KCNMA1: variants seen among roughly 807,000 people sequenced by gnomAD.
KCNMA1 encodes potassium calcium-activated channel subfamily M alpha 1, also known as Calcium-activated potassium channel subunit alpha-1.
Under a neutral mutation model 140.0 loss-of-function variants are expected in KCNMA1, and 29 were observed. The ratio of observed to expected loss-of-function variants is 0.21; its 90% CI spans 0.15 to 0.28. KCNMA1 has a LOEUF of 0.28. Ranked by LOEUF, KCNMA1 falls within the 10% of genes least tolerant of loss-of-function variation. The pLI, the probability that KCNMA1 is intolerant of heterozygous loss-of-function variation, is 1.00. For missense variants in KCNMA1, 880 were observed against 1,602.2 expected (o/e 0.55, Z 7.70); for synonymous variants, 612 against 611.9 (o/e 1.00, Z 0.00).
chr10:77,327,591 G>C (rs2084690960), intron 2 of KCNMA1, among the ~76,000 whole-genome samples: 1 of 152,082 alleles, frequency 6.6e-6, no homozygotes. Context: ...TTGACCTCAG[G>C]TGATCTGCCT....
intron 25 of KCNMA1, among the ~76,000 whole-genome samples, chr10:76,907,988 G>A (rs2048481107): frequency 6.6e-6 from 1 of 151,610 alleles, no homozygotes. Context: ...TTATAAATTT[G>A]GAATTTTAAA....
intron 1 of KCNMA1, among the ~76,000 whole-genome samples, chr10:77,630,865 G>A (rs760523046): frequency 5.2e-4 from 79 of 151,964 alleles, no homozygotes; most frequent in Non-Finnish European, 4.6e-4. Flanking sequence ...GAGCACTTTG[G>A]GAGACCAAGA....
chr10:77,330,793 A>C (rs1476808062), intron 2 of KCNMA1, among the ~76,000 whole-genome samples: 1 of 152,204 alleles, frequency 6.6e-6, no homozygotes, highest in Non-Finnish European at 1.5e-5. Context: ...GGAGAACTTG[A>C]ATCTTAACAC....
chr10:76,893,469 C>G (rs1279323092), intron 25 of KCNMA1, among the ~76,000 whole-genome samples: 1 of 152,148 alleles, frequency 6.6e-6, no homozygotes, highest in African/African-American at 2.4e-5. Flanking sequence ...TGGTGCACAC[C>G]TGTAATCCCA....
At chr10:77,075,994 C>A (rs780333053) in intron 13 of KCNMA1, among the ~76,000 whole-genome samples, 6 of 152,174 alleles carry the variant, frequency 3.9e-5, no homozygotes, top group Non-Finnish European at 8.8e-5. Flanking sequence ...TTCACCACCC[C>A]TCCCTCCTCT....
At chr10:77,385,455 A>G (rs250705) in intron 2 of KCNMA1, among the ~76,000 whole-genome samples, 29,979 of 152,260 alleles carry the variant, frequency 0.2, 3,760 homozygotes, top group Admixed American at 0.27. Flanking sequence ...TAATAACCCT[A>G]TGAGGTAAGT....
At chr10:77,005,831 C>T (rs1201528011) in intron 18 of KCNMA1, among the ~76,000 whole-genome samples, 1 of 152,182 alleles carries the variant, frequency 6.6e-6, no homozygotes, top group Non-Finnish European at 1.5e-5. Context: ...CCCTAATGGA[C>T]ATCATCAAAA....
At chr10:76,922,519 G>C (rs1019253812) in intron 23 of KCNMA1, among the ~76,000 whole-genome samples, 2 of 152,116 alleles carry the variant, frequency 1.3e-5, no homozygotes, top group Non-Finnish European at 2.9e-5. Flanking sequence ...GTTTAGAGAT[G>C]AGTCTGTCCT....
chr10:77,225,690 C>T (rs527398635), intron 3 of KCNMA1, among the ~76,000 whole-genome samples: 3 of 152,314 alleles, frequency 2.0e-5, no homozygotes, highest in South Asian at 2.1e-4. Flanking sequence ...ACTGAAGAGG[C>T]CTTTGTGGCC....
At position 76,913,156 on chromosome 10, in the gene KCNMA1, T is replaced by TCATGTGAGG. The variant is rs1272581702; in HGVS notation, c.3016+1779_3016+1780insCCTCACATG. The TCATGTGAGG allele has an allele frequency of 3.3e-5, 5 of 152,270 alleles. No homozygotes were observed. In the East Asian group the frequency reaches 9.7e-4, roughly 29 times the overall value. The allele number at this position is 152,270 out of a possible 1,614,324, so 9.4% of individuals were successfully genotyped here. A position where few individuals can be genotyped will look rare whatever the true frequency, so the allele number is the denominator to read the frequency against. On this transcript the variant is annotated intron_variant, in intron 24 of 27. Coordinates refer to ENST00000286628, the MANE Select transcript of KCNMA1 (RefSeq NM_001161352.2). ...ATGGGGTGTTCATTTCATTTGTGAG[T>TCATGTGAGG]CATGTGAAGGCAGGTGCTCCCACCT...
At chr10:76,944,719 G>T in intron 23 of KCNMA1, 54 bp downstream of exon 23, 1 of 1,521,812 alleles carries the variant, frequency 6.6e-7, no homozygotes, top group Non-Finnish European at 9.1e-7. Flanking sequence ...TATCCCTCTT[G>T]CCAGCCCCTG....
intron 25 of KCNMA1, among the ~76,000 whole-genome samples, chr10:76,898,513 C>CA (rs373371344): frequency 0.014 from 1,991 of 139,396 alleles, 20 homozygotes; most frequent in Middle Eastern, 0.055. Flanking sequence ...ACAACGATTA[C>CA]AAAAAAAAAA....
chr10:77,179,557 C>T (rs1191285866), intron 5 of KCNMA1, among the ~76,000 whole-genome samples: 5 of 152,108 alleles, frequency 3.3e-5, no homozygotes, highest in Admixed American at 3.3e-4. Context: ...TGAGTAAGCA[C>T]CGATGGAGGG....
intron 1 of KCNMA1, among the ~76,000 whole-genome samples, chr10:77,476,854 A>G (rs1603627672): frequency 6.6e-6 from 1 of 152,340 alleles, no homozygotes. Context: ...ATATGCCATA[A>G]ATATTTTCTT....
intron 2 of KCNMA1, among the ~76,000 whole-genome samples, chr10:77,275,181 C>A (rs2066311878): frequency 1.3e-5 from 2 of 152,188 alleles, no homozygotes; most frequent in South Asian, 4.1e-4. Flanking sequence ...CCTATACCAA[C>A]TGAATATTTG....
intron 9 of KCNMA1, among the ~76,000 whole-genome samples, chr10:77,100,909 T>C (rs2097081721): frequency 6.9e-6 from 1 of 145,766 alleles, no homozygotes; most frequent in African/African-American, 2.8e-5. Context: ...TGAATACGAC[T>C]TTTTTTTTAA....
intron 2 of KCNMA1, among the ~76,000 whole-genome samples, chr10:77,262,332 T>G (rs1310807909): frequency 6.6e-6 from 1 of 152,174 alleles, no homozygotes; most frequent in Non-Finnish European, 1.5e-5. Flanking sequence ...ATTGTGTGAA[T>G]CTACCTAAAG....
intron 19 of KCNMA1, among the ~76,000 whole-genome samples, chr10:76,998,221 AT>A (rs2085023172): frequency 6.6e-6 from 1 of 152,144 alleles, no homozygotes; most frequent in African/African-American, 2.4e-5. Context: ...CACTTTTAAT[AT>A]ATTACCATTC....
At chr10:77,091,879 G>C (rs908508772) in intron 9 of KCNMA1, 5 of 152,218 alleles carry the variant, frequency 3.3e-5, no homozygotes, top group Admixed American at 6.5e-5. Flanking sequence ...CTAAGTATGT[G>C]AGAATAATGC....
Sources: gnomAD v4.1 joint callset for allele counts (sites outside exome capture counted in the v4.1 genomes callset) on GRCh38, gnomAD v4.1.1 for gene constraint, MANE v1.5 for transcripts, NCBI Gene and HGNC (gene_info 2026-07-23, HGNC 2026-07-21) for gene names.